The following CCDC3 variants were observed in gnomAD, a reference collection of about 807,000 sequenced individuals.
The protein encoded by CCDC3 is coiled-coil domain containing 3, also known as coiled-coil domain-containing protein 3.
In CCDC3, 24 loss-of-function variants were observed where a neutral mutation model predicts 21.4. The observed-to-expected ratio is 1.12, with a 90% CI of 0.81 to 1.58. The LOEUF is 1.58. Among genes scored for constraint, CCDC3 ranks in the 40% most tolerant of loss-of-function variants. The pLI is 0.00. For missense variants in CCDC3, 425 were observed against 360.9 expected (o/e 1.18, Z -1.44); for synonymous variants, 186 against 166.0 (o/e 1.12, Z -0.93).
intron 4 of CCDC3, among the ~76,000 whole-genome samples, chr10:13,072,135 G>A (rs982278523): frequency 5.9e-5 from 9 of 152,062 alleles, no homozygotes; most frequent in East Asian, 1.9e-4. Context: ...TGTCCTTACC[G>A]TAACCTCCTT....
upstream of CCDC3, among the ~76,000 whole-genome samples, chr10:13,004,746 T>C (rs1430205760): frequency 6.6e-6 from 1 of 152,004 alleles, no homozygotes. Context: ...GAAGTCCACA[T>C]TGTTGAGGCA....
At chr10:12,902,132 C>T (rs1218379556) in intron 2 of CCDC3, among the ~76,000 whole-genome samples, 1 of 152,220 alleles carries the variant, frequency 6.6e-6, no homozygotes, top group Non-Finnish European at 1.5e-5. Context: ...TCCTGAAGGC[C>T]TGGTTCACAA....
intron 2 of CCDC3, among the ~76,000 whole-genome samples, chr10:12,946,480 C>T (rs1340705791): frequency 6.6e-6 from 1 of 152,086 alleles, no homozygotes; most frequent in African/African-American, 2.4e-5. Flanking sequence ...TCCTAGGCAG[C>T]CAACTGATCC....
chr10:13,037,404 A>G (rs1047607324), intron 5 of CCDC3, among the ~76,000 whole-genome samples: 1 of 152,166 alleles, frequency 6.6e-6, no homozygotes, highest in Non-Finnish European at 1.5e-5. Flanking sequence ...CTGACACTTG[A>G]TCCTACATAA....
At chr10:12,925,211 A>C (rs1589008053) in intron 2 of CCDC3, among the ~76,000 whole-genome samples, 1 of 152,064 alleles carries the variant, frequency 6.6e-6, no homozygotes, top group Non-Finnish European at 1.5e-5. Flanking sequence ...GCAGGTGGGG[A>C]GTGGGGTCTG....
chr10:12,968,190 A>AACACACACACATACACACAC, intron 2 of CCDC3, among the ~76,000 whole-genome samples: 1 of 75,290 alleles, frequency 1.3e-5, no homozygotes, highest in Non-Finnish European at 3.3e-5. Flanking sequence ...AGAAAATACA[A>AACACACACACATACACACAC]ACACACACAC....
At chr10:13,060,498 T>C (rs1836743082) in intron 4 of CCDC3, among the ~76,000 whole-genome samples, 1 of 152,208 alleles carries the variant, frequency 6.6e-6, no homozygotes, top group East Asian at 1.9e-4. Flanking sequence ...GAAAACAGAA[T>C]GCCAAAGAGT....
chr10:13,025,873 T>G (rs182322164), intron 5 of CCDC3, among the ~76,000 whole-genome samples: 29 of 152,304 alleles, frequency 1.9e-4, no homozygotes, highest in Admixed American at 1.1e-3. Context: ...TCCCTCTTCC[T>G]GACAAATATC....
At chr10:12,977,765 G>T (rs1257026382) in intron 2 of CCDC3, among the ~76,000 whole-genome samples, 1 of 152,188 alleles carries the variant, frequency 6.6e-6, no homozygotes, top group Admixed American at 6.5e-5. Context: ...ATCATTAACA[G>T]ATGCATATCA....
At chr10:12,926,508 A>T (rs1834542129) in intron 2 of CCDC3, among the ~76,000 whole-genome samples, 1 of 152,158 alleles carries the variant, frequency 6.6e-6, no homozygotes. Context: ...ATCTGTCCTT[A>T]TGGAGAGGGC....
At chr10:13,045,647 C>T (rs1836516136) in intron 5 of CCDC3, among the ~76,000 whole-genome samples, 1 of 152,004 alleles carries the variant, frequency 6.6e-6, no homozygotes, top group African/African-American at 2.4e-5. Context: ...AATATATATA[C>T]ATAACATAAA....
At chr10:13,022,516 G>C (rs11258136) in intron 5 of CCDC3, among the ~76,000 whole-genome samples, 3 of 151,946 alleles carry the variant, frequency 2.0e-5, no homozygotes, top group African/African-American at 7.3e-5. Flanking sequence ...GTATTAGGTT[G>C]GTGCAAAAAT....
chr10:12,907,366 C>T (rs1012031518), intron 2 of CCDC3, among the ~76,000 whole-genome samples: 6 of 152,116 alleles, frequency 3.9e-5, no homozygotes, highest in Non-Finnish European at 5.9e-5. Context: ...TTAGTTTTGC[C>T]GGGTGCAGTG....
rs547118005 is a variant in CCDC3, at chr10:12,933,479, G to C, written c.550-34800C>G. ...CTTTATTTTTTTTTTTTTTGAGACA[G>C]AGTCTTGCTCTGTTGCCCAGAGCGA... On this transcript the variant is annotated intron_variant, in intron 2 of 2. Transcript: ENST00000378825. 1.6e-3 allele frequency among the ~76,000 whole-genome samples: 220 copies of C among 138,732 alleles called. 1 individual carries two copies. The highest frequency in any genetic ancestry group is 5.4e-3 in the African/African-American group (200 of 36,800). 91.0% of individuals were successfully genotyped at this position (138,732 alleles called of 152,430 possible). A position where few individuals can be genotyped will look rare whatever the true frequency, so the allele number is the denominator to read the frequency against.
intron 5 of CCDC3, among the ~76,000 whole-genome samples, chr10:13,040,687 T>TCACA (rs10653974): frequency 0.034 from 4,864 of 142,772 alleles, 99 homozygotes; most frequent in Middle Eastern, 0.087. Context: ...CAAAACTCTG[T>TCACA]CACACACACA....
At chr10:12,900,150 T>C (rs1038182395) in intron 2 of CCDC3, among the ~76,000 whole-genome samples, 1 of 152,236 alleles carries the variant, frequency 6.6e-6, no homozygotes, top group South Asian at 2.1e-4. Context: ...TGTGGAATTG[T>C]GAGTCCATTA....
intron 4 of CCDC3, among the ~76,000 whole-genome samples, chr10:13,064,779 C>G (rs768758284): frequency 7.2e-5 from 11 of 151,988 alleles, no homozygotes; most frequent in Non-Finnish European, 1.5e-4. Context: ...CAGAATGAGA[C>G]TCTGTCTAAT....
chr10:12,933,622 A>G (rs954629030), intron 2 of CCDC3, among the ~76,000 whole-genome samples: 2 of 151,844 alleles, frequency 1.3e-5, no homozygotes, highest in African/African-American at 4.8e-5. Context: ...ACGCCAGGAT[A>G]ATATTTTGTG....
intron 2 of CCDC3, among the ~76,000 whole-genome samples, chr10:12,937,084 G>C (rs762106813): frequency 6.7e-6 from 1 of 150,182 alleles, no homozygotes; most frequent in Non-Finnish European, 1.5e-5. Context: ...CCTGGGGGCC[G>C]GCCAATGGCT....
Sources: allele counts gnomAD v4.1 joint callset (sites outside exome capture counted in the v4.1 genomes callset), GRCh38; gene constraint gnomAD v4.1.1; transcripts MANE v1.5; gene names NCBI Gene and HGNC (gene_info 2026-07-23, HGNC 2026-07-21).